KANSL1L: variants seen among roughly 807,000 people sequenced by gnomAD.
The protein encoded by KANSL1L is KAT8 regulatory NSL complex subunit 1 like.
A neutral mutation model predicts 108.6 loss-of-function variants in KANSL1L; 25 were observed. That is an observed-to-expected ratio of 0.23 (90% CI 0.17 to 0.32). The LOEUF (loss-of-function observed/expected upper bound fraction) is 0.32, where lower values mean the gene tolerates loss of function less well. Among genes scored for constraint, KANSL1L ranks in the 10% least tolerant of loss-of-function variants. The probability of loss-of-function intolerance (pLI) is 1.00; values close to 1 mark genes in which losing one functional copy is unlikely to be tolerated. For missense variants in KANSL1L, 1,137 were observed against 1,125.7 expected (o/e 1.01, Z -0.14); for synonymous variants, 405 against 395.1 (o/e 1.03, Z -0.30).
chr2:210,034,083 C>A (rs1215788166), intron 8 of KANSL1L, among the ~76,000 whole-genome samples: 2 of 152,120 alleles, frequency 1.3e-5, no homozygotes, highest in African/African-American at 4.8e-5. Flanking sequence ...TATATCCTGT[C>A]TTTACTTCCT....
intron 12 of KANSL1L, among the ~76,000 whole-genome samples, chr2:210,025,613 G>A (rs1242117346): frequency 6.6e-6 from 1 of 152,204 alleles, no homozygotes; most frequent in South Asian, 2.1e-4. Flanking sequence ...ACAGTAGGAA[G>A]CAAACTAAAA....
intron 14 of KANSL1L, among the ~76,000 whole-genome samples, chr2:210,023,555 TATTA>T (rs1268369143): frequency 2.6e-5 from 4 of 152,346 alleles, no homozygotes; most frequent in Admixed American, 1.3e-4. Context: ...GCAACTTGCC[TATTA>T]ATTCTATAAT....
chr2:210,137,382 AC>A (rs1478231752), intron 2 of KANSL1L, among the ~76,000 whole-genome samples: 1 of 152,212 alleles, frequency 6.6e-6, no homozygotes. Flanking sequence ...CAAAATGCTA[AC>A]AAGTTTGAAG....
At position 210,030,437 on chromosome 2, in the gene KANSL1L, A is replaced by C. The variant is rs11902646; in HGVS notation, c.2156-519T>G. 4.4e-3 allele frequency among the ~76,000 whole-genome samples: 659 copies of C among 148,234 alleles called. 2 individuals are homozygous for C. Among genetic ancestry groups the C allele is most frequent in the Non-Finnish European group, 7.7e-3 (518 of 67,220 alleles). ...TTGTTTCATAGATGAAATTTCTCAT[A>C]TCTCTCAGGATATTGATTAGAAGTT... On this transcript the variant is annotated intron_variant, in intron 9 of 14. Transcript: ENST00000281772.
chr2:210,126,464 T>C (rs935174757), intron 3 of KANSL1L, among the ~76,000 whole-genome samples: 2 of 151,974 alleles, frequency 1.3e-5, no homozygotes, highest in Non-Finnish European at 2.9e-5. Context: ...AAAAAACTTA[T>C]CCTAAAGGTC....
At chr2:210,033,561 GCT>G (rs1257104696) in intron 8 of KANSL1L, among the ~76,000 whole-genome samples, 1 of 151,950 alleles carries the variant, frequency 6.6e-6, no homozygotes, top group African/African-American at 2.4e-5. Context: ...ACGGAGTCTC[GCT>G]CTGTCTCCCA....
chr2:210,094,790 G>T (rs1466918958), intron 5 of KANSL1L, among the ~76,000 whole-genome samples: 1 of 151,186 alleles, frequency 6.6e-6, no homozygotes, highest in East Asian at 1.9e-4. Context: ...CATTAATTAA[G>T]TACTTTTCAT....
At chr2:210,099,359 T>C (rs2094770604) in intron 4 of KANSL1L, among the ~76,000 whole-genome samples, 1 of 152,166 alleles carries the variant, frequency 6.6e-6, no homozygotes, top group Non-Finnish European at 1.5e-5. Context: ...GAATGCTTCA[T>C]TTGTATGAAA....
At chr2:210,137,079 G>T (rs1015112976) in intron 2 of KANSL1L, among the ~76,000 whole-genome samples, 1 of 152,082 alleles carries the variant, frequency 6.6e-6, no homozygotes, top group Non-Finnish European at 1.5e-5. Flanking sequence ...TTCATATCCT[G>T]GGTCTCTTCT....
rs1208844811 is a variant in KANSL1L at position 210,153,818 on chromosome 2, C to CT, written c.764dup (p.His256AlafsTer22). 1 of 1,613,244 alleles carries CT rather than the reference C, an allele frequency of 6.2e-7. No individual in the cohort carries two copies. The highest frequency in any genetic ancestry group is 8.5e-7 in the Non-Finnish European group (1 of 1,179,828). The stretch of plus-strand genomic sequence containing the variant: ...ACAATTTCATCTGCTGACCATAGTG[C>CT]TTAACAACATGCTTTGCCAGGAGCA... On this transcript the variant is annotated frameshift_variant, in exon 2 of 15. Transcript: ENST00000281772. LOFTEE classifies it high-confidence loss of function.
At chr2:210,102,656 G>A (rs1239666210) in intron 4 of KANSL1L, among the ~76,000 whole-genome samples, 2 of 152,262 alleles carry the variant, frequency 1.3e-5, no homozygotes, top group East Asian at 1.9e-4. Context: ...AGTGGGCGAA[G>A]GATATGAATA....
At position 210,044,214 on chromosome 2, in the gene KANSL1L, T is replaced by C. The variant is rs767183165; in HGVS notation, c.1756-110A>G. Reference sequence around the variant, plus strand: ...TAAAATTTTCCAGTTCTACAAAAAGTTTTACAAATATTTTGCTAGATGTTT... The same window carrying C: ...TAAAATTTTCCAGTTCTACAAAAAGCTTTACAAATATTTTGCTAGATGTTT... On this transcript the variant is annotated intron_variant, in intron 6 of 14. Coordinates refer to ENST00000281772, the MANE Select transcript of KANSL1L (RefSeq NM_152519.4). The surrounding 1 kb of genome is among the most constrained non-coding windows in gnomAD (Gnocchi z 4.2). The C allele has an allele frequency of 1.5e-6, 1 of 661,362 alleles. No homozygotes were observed. Among genetic ancestry groups the C allele is most frequent in the East Asian group, 3.3e-5 (1 of 30,516 alleles). The allele number at this position is 661,362 out of a possible 1,614,324, so 41.0% of individuals were successfully genotyped here. A position where few individuals can be genotyped will look rare whatever the true frequency, so the allele number is the denominator to read the frequency against.
At chr2:210,156,056 A>G (rs2095331364) in intron 1 of KANSL1L, among the ~76,000 whole-genome samples, 3 of 152,196 alleles carry the variant, frequency 2.0e-5, no homozygotes, top group Admixed American at 6.5e-5. Flanking sequence ...TTTGCAACAT[A>G]TATATCAGAC....
chr2:210,161,493 ATGTT>A (rs1374709756), intron 1 of KANSL1L, among the ~76,000 whole-genome samples: 1 of 152,250 alleles, frequency 6.6e-6, no homozygotes, highest in Non-Finnish European at 1.5e-5. Flanking sequence ...TCTAGAAAAA[ATGTT>A]TGTGACACTG....
At chr2:210,094,062 G>T (rs1273951400) in intron 5 of KANSL1L, among the ~76,000 whole-genome samples, 1 of 152,142 alleles carries the variant, frequency 6.6e-6, no homozygotes, top group Non-Finnish European at 1.5e-5. Context: ...AAGCAAGGAA[G>T]AATGGGAAGT....
chr2:210,119,271 A>G (rs1188183462), intron 3 of KANSL1L, among the ~76,000 whole-genome samples: 1 of 152,210 alleles, frequency 6.6e-6, no homozygotes, highest in Non-Finnish European at 1.5e-5. Context: ...AAGAAGAAGT[A>G]GTATCAATCC....
At chr2:210,112,267 G>A (rs959044011) in intron 3 of KANSL1L, among the ~76,000 whole-genome samples, 3 of 152,074 alleles carry the variant, frequency 2.0e-5, no homozygotes, top group African/African-American at 4.8e-5. Context: ...TTTAATAAAT[G>A]GTGCTGGGAA....
chr2:210,070,881 C>T (rs932578885), intron 6 of KANSL1L, among the ~76,000 whole-genome samples: 1 of 151,880 alleles, frequency 6.6e-6, no homozygotes, highest in Admixed American at 6.6e-5. Context: ...CATATGTAGC[C>T]GGGTGCAGTG....
intron 5 of KANSL1L, among the ~76,000 whole-genome samples, chr2:210,096,270 T>C (rs2094735316): frequency 6.6e-6 from 1 of 152,178 alleles, no homozygotes; most frequent in South Asian, 2.1e-4. Flanking sequence ...AGTGTAACAG[T>C]TATTAAAAGC....
Sources: allele counts gnomAD v4.1 joint callset (sites outside exome capture counted in the v4.1 genomes callset), GRCh38; gene constraint gnomAD v4.1.1; non-coding constraint Gnocchi (gnomAD v3.1); transcripts MANE v1.5; gene names NCBI Gene and HGNC (gene_info 2026-07-23, HGNC 2026-07-21).